GRIN2D: variants seen among roughly 807,000 people sequenced by gnomAD.
GRIN2D encodes glutamate ionotropic receptor NMDA type subunit 2D, also known as glutamate receptor ionotropic, NMDA 2D.
Under a neutral mutation model 103.2 loss-of-function variants are expected in GRIN2D, and 37 were observed. That is an observed-to-expected ratio of 0.36 (90% CI 0.28 to 0.47). The LOEUF (loss-of-function observed/expected upper bound fraction) is 0.47, where lower values mean the gene tolerates loss of function less well. Among genes scored for constraint, GRIN2D ranks in the 20% least tolerant of loss-of-function variants. The pLI, the probability that GRIN2D is intolerant of heterozygous loss-of-function variation, is 1.00. For synonymous variants in GRIN2D, 845 were observed against 885.6 expected (o/e 0.95, Z 0.81); for missense variants, 1,557 against 1,910.6 (o/e 0.81, Z 3.45).
In GRIN2D at chr19:48,442,712, C is replaced by T; in HGVS notation, c.2786C>T (p.Pro929Leu). The T allele has an allele frequency of 1.8e-6, 2 of 1,142,802 alleles. No homozygotes were observed. Among genetic ancestry groups the T allele is most frequent in the Admixed American group, 4.8e-5 (1 of 20,970 alleles). 70.8% of individuals were successfully genotyped at this position (1,142,802 alleles called of 1,614,324 possible). A position where few individuals can be genotyped will look rare whatever the true frequency, so the allele number is the denominator to read the frequency against. The change falls in exon 14 of 14, where the codon CCC (proline) becomes CTC (leucine). Residue 929 changes from proline (P) to leucine (L), a missense_variant. Physicochemically the swap from Pro to Leu is moderately conservative, Grantham distance 98 (BLOSUM62 -3). Coordinates refer to ENST00000263269, the MANE Select transcript of GRIN2D (RefSeq NM_000836.4). This position sits in a 1 kb window ranked among gnomAD's most constrained non-coding sequence, Gnocchi z 7.2. ...AYPAPRPAPG[P>L]APFVPRERAS... ...CCCGCGCCGCGGCCGGCTCCCGGGC[C>T]CGCACCTTTCGTGCCCCGCGAGCGC...
At chr19:48,415,664 G>A (rs373918905) in intron 7 of GRIN2D, among the ~76,000 whole-genome samples, 1 of 148,974 alleles carries the variant, frequency 6.7e-6, no homozygotes, top group Admixed American at 6.7e-5. Flanking sequence ...GCGGGGCTGG[G>A]AGGAGGGACT....
Position 48,443,646 on chromosome 19 carries a change from C to T in GRIN2D, c.3720C>T (p.His1240=). ...RSHPHRPRAS[H]RTPAAAAPHH... ...ACCCGCACCGCCCGCGGGCCTCGCA[C>T]CGCACGCCCGCCGCCGCCGCGCCCC... The change falls in exon 14 of 14, where the codon CAC becomes CAT. Residue 1240 remains histidine, a synonymous_variant. Transcript: ENST00000263269. The surrounding 1 kb of genome is among the most constrained non-coding windows in gnomAD (Gnocchi z 8.9). The T allele has an allele frequency of 9.0e-7, 1 of 1,111,112 alleles. No homozygotes were observed. The highest frequency in any genetic ancestry group is 1.1e-6 in the Non-Finnish European group (1 of 914,506). The allele number at this position is 1,111,112 out of a possible 1,614,324, so 68.8% of individuals were successfully genotyped here.
chr19:48,420,887 A>G (rs1971015028), intron 10 of GRIN2D, among the ~76,000 whole-genome samples: 1 of 152,182 alleles, frequency 6.6e-6, no homozygotes, highest in Non-Finnish European at 1.5e-5. Context: ...ACGAAAAAGA[A>G]TTCTGTCAAA....
chr19:48,402,162 AAGAAAG>A (rs1405707892), intron 3 of GRIN2D, among the ~76,000 whole-genome samples: 2 of 60,284 alleles, frequency 3.3e-5, no homozygotes, highest in Non-Finnish European at 6.4e-5. Context: ...GAAAGAAAGA[AAGAAAG>A]AGAGAAAAGA....
At chr19:48,429,813 C>T (rs1164405590) in intron 11 of GRIN2D, among the ~76,000 whole-genome samples, 1 of 151,928 alleles carries the variant, frequency 6.6e-6, no homozygotes, top group Non-Finnish European at 1.5e-5. Context: ...CCTGCCTCAG[C>T]CTCCCAAAGC....
At chr19:48,418,283 T>C (rs1195091653) in intron 8 of GRIN2D, among the ~76,000 whole-genome samples, 3 of 151,980 alleles carry the variant, frequency 2.0e-5, no homozygotes, top group Non-Finnish European at 4.4e-5. Context: ...TCCTCCCACC[T>C]CGGCCTCCCA....
intron 11 of GRIN2D, among the ~76,000 whole-genome samples, chr19:48,428,142 T>C (rs750468416): frequency 1.3e-5 from 2 of 150,976 alleles, no homozygotes; most frequent in Admixed American, 6.6e-5. Context: ...GTTCAAGTGA[T>C]TCTCCTGCCT....
rs1341004901 is a variant in GRIN2D, at chr19:48,443,111, C to T, written c.3185C>T (p.Pro1062Leu). ...DESPPAPARWPRSDPESQPLL... is the reference protein window; with the variant it reads ...DESPPAPARWLRSDPESQPLL... ...AGCCCGCCGGCGCCCGCGCGGTGGCCGCGCTCGGACCCCGAGAGCCAACCC... is the reference window on the plus strand; with the variant it reads ...AGCCCGCCGGCGCCCGCGCGGTGGCTGCGCTCGGACCCCGAGAGCCAACCC... Residue 1062 changes from proline to leucine, a missense_variant, in exon 14 of 14, where the codon CCG becomes CTG. Around this residue, in one of 7 missense-constraint regions of GRIN2D, gnomAD observed 632 missense variants for 572.8 expected, o/e 1.10. Transcript: ENST00000263269. The surrounding 1 kb of genome is among the most constrained non-coding windows in gnomAD (Gnocchi z 8.9). 2 of 1,018,638 alleles carry T rather than the reference C, an allele frequency of 2.0e-6. No individual in the cohort carries two copies. Among genetic ancestry groups the T allele is most frequent in the African/African-American group, 3.5e-5 (2 of 57,200 alleles). The allele number at this position is 1,018,638 out of a possible 1,614,324, so 63.1% of individuals were successfully genotyped here.
In GRIN2D at chr19:48,394,199, G is replaced by A. The variant is rs556703779; in HGVS notation, c.-306+331G>A. ...CCCCACTCTGTGTGTGTGTGTCTGT[G>A]TGTGTGTCCCTCCTCAAGCTCTGGG... On this transcript the variant is annotated intron_variant, in intron 1 of 13. Transcript: ENST00000263269. The surrounding 1 kb of genome is among the most constrained non-coding windows in gnomAD (Gnocchi z 5.1). Among the ~76,000 whole-genome samples the A allele has an allele frequency of 3.3e-5, 5 of 151,568 alleles. No individual in the cohort carries two copies. In the South Asian group the frequency reaches 1.0e-3, roughly 32 times the overall value.
At chr19:48,404,610 G>A in intron 3 of GRIN2D, 124 bp from the exon 4 acceptor site, 2 of 917,176 alleles carry the variant, frequency 2.2e-6, no homozygotes, top group South Asian at 3.4e-5. Flanking sequence ...AGGAGGAAAA[G>A]GAGATGGGTT....
chr19:48,422,515 G>A (rs1479995570), intron 11 of GRIN2D, among the ~76,000 whole-genome samples: 3 of 152,022 alleles, frequency 2.0e-5, no homozygotes, highest in African/African-American at 4.8e-5. Flanking sequence ...GGAGGCTGAG[G>A]CAGGAGAATC....
chr19:48,431,903 T>C (rs1971161704), intron 11 of GRIN2D, among the ~76,000 whole-genome samples: 1 of 145,504 alleles, frequency 6.9e-6, no homozygotes, highest in Admixed American at 6.9e-5. Flanking sequence ...TTTCTTTTCT[T>C]TTATCTTTTC....
At position 48,421,965 on chromosome 19, in the gene GRIN2D, G is replaced by C. The variant is rs199738394; in HGVS notation, c.2252+20G>C. On this transcript the variant is annotated intron_variant, in intron 11 of 13. Coordinates refer to ENST00000263269, the MANE Select transcript of GRIN2D (RefSeq NM_000836.4). This position sits in a 1 kb window ranked among gnomAD's most constrained non-coding sequence, Gnocchi z 4.8. ...GGCAGGGTCAGCGCAGACTCGGGCCGGGGGTGGGGGTTGGGCCGCTGGGGA... is the reference window on the plus strand; with the variant it reads ...GGCAGGGTCAGCGCAGACTCGGGCCCGGGGTGGGGGTTGGGCCGCTGGGGA... 3 of 1,609,674 alleles carry C rather than the reference G, an allele frequency of 1.9e-6. No homozygotes were observed. The highest frequency in any genetic ancestry group is 2.7e-5 in the African/African-American group (2 of 74,746).
rs756065208 is a variant in GRIN2D, at chr19:48,404,856, C to T, written c.588C>T (p.Gly196=). Residue 196 remains glycine (G), a synonymous_variant, in exon 4 of 14, where the codon GGC becomes GGT. Coordinates refer to ENST00000263269, the MANE Select transcript of GRIN2D (RefSeq NM_000836.4). ...TAGCCGTGACCACTCGTGCCCCTGGCCACCGGGCCTTCCTGTCCTACATTG... is the reference window on the plus strand; with the variant it reads ...TAGCCGTGACCACTCGTGCCCCTGGTCACCGGGCCTTCCTGTCCTACATTG... ...SFVAVTTRAP[G]HRAFLSYIEV... is the part of the protein sequence containing the mutation. 2 of 1,614,208 alleles carry T rather than the reference C, an allele frequency of 1.2e-6. No individual in the cohort carries two copies. Among genetic ancestry groups the T allele is most frequent in the Admixed American group, 1.7e-5 (1 of 60,030 alleles).
At chr19:48,441,711 C>T (rs1971293711) in intron 11 of GRIN2D, 58 bp from the exon 12 acceptor site, 2 of 1,456,668 alleles carry the variant, frequency 1.4e-6, no homozygotes, top group Non-Finnish European at 1.9e-6. Flanking sequence ...GGTTCCAGGC[C>T]TGGCGGCCAG....
rs201347332 is a variant in GRIN2D, at chr19:48,406,960, TTTTC to T, written c.1085+1619_1085+1622del. On this transcript the variant is annotated intron_variant, in intron 4 of 13. Transcript: ENST00000263269. ...TCTTTCTGGTTCTTTCTTTTTTTCT[TTTTC>T]TTTCTTTCTTTTTCCTTTTTCTTTT... Among the ~76,000 whole-genome samples the T allele has an allele frequency of 8.2e-3, 1,241 of 151,438 alleles. 12 individuals are homozygous for T. The highest frequency in any genetic ancestry group is 0.028 in the African/African-American group (1,136 of 41,108).
At chr19:48,411,326 AAATAATAATAATAAT>A (rs200053542) in intron 4 of GRIN2D, among the ~76,000 whole-genome samples, 1,948 of 138,226 alleles carry the variant, frequency 0.014, 48 homozygotes, top group African/African-American at 0.049. Flanking sequence ...CCCCGTCTCA[AAATAATAATAATAAT>A]AATAATAATA....
intron 4 of GRIN2D, among the ~76,000 whole-genome samples, chr19:48,409,974 G>A (rs867072912): frequency 7.3e-5 from 11 of 150,230 alleles, no homozygotes; most frequent in African/African-American, 2.0e-4. Flanking sequence ...TAGTAGAGAC[G>A]GGGTTTCACC....
rs1970889581 is a variant in GRIN2D at position 48,412,735 on chromosome 19, G to A, written c.1086-1256G>A. On this transcript the variant is annotated intron_variant, in intron 4 of 13. Transcript: ENST00000263269. ...ACCCGGGAGGCGGAGGTTGCAGTGAGCTGAGACCACACCATTGCACTCCAG... is the reference window on the plus strand; with the variant it reads ...ACCCGGGAGGCGGAGGTTGCAGTGAACTGAGACCACACCATTGCACTCCAG... 2.0e-5 allele frequency among the ~76,000 whole-genome samples: 3 copies of A among 151,098 alleles called. No homozygotes were observed. The South Asian group carries it at 6.3e-4, about 32-fold the overall frequency.
Sources: gnomAD v4.1 joint callset for allele counts (sites outside exome capture counted in the v4.1 genomes callset) on GRCh38, gnomAD v4.1.1 for gene constraint, gnomAD v4.1.1 regional missense constraint, Gnocchi (gnomAD v3.1) non-coding constraint, MANE v1.5 for transcripts, NCBI Gene and HGNC (gene_info 2026-07-23, HGNC 2026-07-21) for gene names.